MID1: variants seen among roughly 807,000 people sequenced by gnomAD.
MID1 encodes the protein E3 ubiquitin-protein ligase Midline-1.
MID1 carries 7 observed loss-of-function variants against 40.4 expected under a neutral mutation model. The ratio of observed to expected loss-of-function variants is 0.17; its 90% CI spans 0.10 to 0.33. The LOEUF (loss-of-function observed/expected upper bound fraction) is 0.33. Ranked by LOEUF, MID1 falls within the 10% of genes least tolerant of loss-of-function variation. The pLI is 1.00. For synonymous variants in MID1, 229 were observed against 221.2 expected (o/e 1.04, Z -0.31); for missense variants, 367 against 558.5 (o/e 0.66, Z 3.46).
chrX:10,547,701 A>G (rs1933753345), intron 2 of MID1, among the ~76,000 whole-genome samples: 1 of 111,389 alleles, frequency 9.0e-6, no homozygotes. Flanking sequence ...AAAAGAAAAA[A>G]CTAATGAACA....
chrX:10,575,818 T>C (rs1257262001), intron 1 of MID1, among the ~76,000 whole-genome samples: 1 of 110,981 alleles, frequency 9.0e-6, no homozygotes, highest in Non-Finnish European at 1.9e-5. Context: ...ACAGTATAAA[T>C]AATACATCAA....
rs187642886 is a variant in MID1, at chrX:10,810,977, C to T, written c.-187+22577G>A. ...CTTGTGCCCTTTGCATTTTTTCCTCCTGTATGGTCCCCCTATCAGTAGAAT... is the reference window on the plus strand; with the variant it reads ...CTTGTGCCCTTTGCATTTTTTCCTCTTGTATGGTCCCCCTATCAGTAGAAT... On this transcript the variant is annotated intron_variant, in intron 1 of 10. Coordinates refer to the MID1 transcript ENST00000380785. Among the ~76,000 whole-genome samples the T allele has an allele frequency of 6.3e-5, 7 of 110,768 alleles. No individual in the cohort carries two copies. In the East Asian group the frequency reaches 2.0e-3, roughly 31 times the overall value.
At chrX:10,558,371 G>T (rs981522870) in intron 2 of MID1, among the ~76,000 whole-genome samples, 11 of 112,123 alleles carry the variant, frequency 9.8e-5, no homozygotes, top group Non-Finnish European at 5.6e-5. Flanking sequence ...CTGAAGCAAG[G>T]TTTATTGTCT....
intron 1 of MID1, among the ~76,000 whole-genome samples, chrX:10,764,079 T>C (rs190709386): frequency 8.9e-6 from 1 of 112,237 alleles, no homozygotes; most frequent in East Asian, 2.8e-4. Context: ...CTTCGTCAGA[T>C]GGGTAGATTG....
chrX:10,459,668 C>T lies in MID1; in HGVS notation c.1425G>A (p.Glu475=), dbSNP rs760952540. The T allele has an allele frequency of 1.7e-6, 2 of 1,211,505 alleles. No individual in the cohort carries two copies. Among genetic ancestry groups the T allele is most frequent in the Admixed American group, 2.2e-5 (1 of 46,103 alleles). The part of the protein sequence containing the change: ...AINQAGSRSS[E]PGKLKTNSQP... ...TACTGTTTGTCTTCAACTTCCCAGG[C>T]TCACTGCTGCGGCTGCCCGCCTGGT... The change falls in exon 8 of 10, where the codon GAG becomes GAA. Residue 475 remains glutamate (E), a synonymous_variant. Transcript: ENST00000317552.
chrX:10,814,023 C>T (rs1023611646), intron 1 of MID1, among the ~76,000 whole-genome samples: 6 of 111,921 alleles, frequency 5.4e-5, no homozygotes, highest in South Asian at 7.5e-4. Context: ...TTCCAATAAA[C>T]CTTTAAGGTC....
intron 1 of MID1, among the ~76,000 whole-genome samples, chrX:10,686,345 T>A (rs1297654033): frequency 9.0e-6 from 1 of 111,255 alleles, no homozygotes; most frequent in Non-Finnish European, 1.9e-5. Context: ...AGACTAGGCT[T>A]CATCATCACC....
At chrX:10,593,894 C>CTA (rs1935362545) in intron 1 of MID1, among the ~76,000 whole-genome samples, 1 of 110,207 alleles carries the variant, frequency 9.1e-6, no homozygotes, top group Non-Finnish European at 1.9e-5. Flanking sequence ...CTTTTATATG[C>CTA]CAAGAACTCT....
chrX:10,697,814 G>A (rs1171158054), intron 1 of MID1, among the ~76,000 whole-genome samples: 1 of 111,425 alleles, frequency 9.0e-6, no homozygotes, highest in Non-Finnish European at 1.9e-5. Context: ...ACTGTCCTGT[G>A]CATTATAGAA....
At chrX:10,599,947 A>G (rs1161451984) in intron 1 of MID1, among the ~76,000 whole-genome samples, 2 of 111,978 alleles carry the variant, frequency 1.8e-5, no homozygotes, top group East Asian at 2.8e-4. Context: ...TTGCTCTGAG[A>G]ATAAAGAAAG....
intron 1 of MID1, among the ~76,000 whole-genome samples, chrX:10,577,900 C>T (rs1934916123): frequency 9.2e-6 from 1 of 108,736 alleles, no homozygotes; most frequent in Non-Finnish European, 1.9e-5. Context: ...AGACAAGAAA[C>T]TGCAAGTAAA....
intron 4 of MID1, among the ~76,000 whole-genome samples, chrX:10,494,377 A>G (rs949795846): frequency 8.9e-6 from 1 of 111,940 alleles, no homozygotes; most frequent in Non-Finnish European, 1.9e-5. Flanking sequence ...TTAATTATAT[A>G]TATTTTGTTT....
rs1451984466 is a variant in MID1 at position 10,673,326 on chromosome X, A to G, written c.-186-52907T>C. 3.6e-5 allele frequency among the ~76,000 whole-genome samples: 4 copies of G among 111,644 alleles called. No individual in the cohort carries two copies. In the South Asian group the frequency reaches 1.5e-3, roughly 42 times the overall value. The stretch of plus-strand genomic sequence containing the variant: ...TTTATACAAGCAGATCTCTATACAA[A>G]CAAATATGTCACAGCGTACATGCAG... On this transcript the variant is annotated intron_variant, in intron 1 of 10. Coordinates refer to the MID1 transcript ENST00000380785.
intron 1 of MID1, among the ~76,000 whole-genome samples, chrX:10,607,672 T>C (rs1216904176): frequency 1.8e-5 from 2 of 112,511 alleles, no homozygotes; most frequent in Non-Finnish European, 3.8e-5. Flanking sequence ...ATGGAATATG[T>C]TGGAAAAGGG....
At chrX:10,471,415 G>C (rs771047556) in intron 6 of MID1, among the ~76,000 whole-genome samples, 13 of 112,318 alleles carry the variant, frequency 1.2e-4, no homozygotes, top group African/African-American at 4.2e-4. Context: ...TTTATCTATT[G>C]GTTCTGAATT....
chrX:10,658,386 G>A (rs1430870637), intron 1 of MID1, among the ~76,000 whole-genome samples: 1 of 83,979 alleles, frequency 1.2e-5, no homozygotes, highest in Non-Finnish European at 2.1e-5. Context: ...TTGAGCAGCG[G>A]CCCACAAAAT....
intron 1 of MID1, among the ~76,000 whole-genome samples, chrX:10,693,824 C>T (rs2043145330): frequency 9.0e-6 from 1 of 111,514 alleles, no homozygotes; most frequent in Non-Finnish European, 1.9e-5. Context: ...TCCTGCCTTC[C>T]CAGAAGTTAT....
chrX:10,514,406 C>T (rs1296035137), intron 3 of MID1, among the ~76,000 whole-genome samples: 1 of 112,018 alleles, frequency 8.9e-6, no homozygotes, highest in African/African-American at 3.2e-5. Context: ...CTCATTACTC[C>T]TTATGAATAT....
intron 2 of MID1, among the ~76,000 whole-genome samples, chrX:10,535,438 T>C (rs1434824389): frequency 8.9e-6 from 1 of 112,543 alleles, no homozygotes; most frequent in Non-Finnish European, 1.9e-5. Flanking sequence ...TATATAGATG[T>C]ATGTAGAAGT....
Sources: gnomAD v4.1 joint callset for allele counts (sites outside exome capture counted in the v4.1 genomes callset) on GRCh38, gnomAD v4.1.1 for gene constraint, MANE v1.5 for transcripts, NCBI Gene and HGNC (gene_info 2026-07-23, HGNC 2026-07-21) for gene names.